Variants in HSPG2 observed in about 807,000 individuals in gnomAD.
The protein encoded by HSPG2 is heparan sulfate proteoglycan 2, also known as basement membrane-specific heparan sulfate proteoglycan core protein.
In HSPG2, 278 loss-of-function variants were observed where a neutral mutation model predicts 526.6. That is an observed-to-expected ratio of 0.53 (90% confidence interval 0.48 to 0.58). The LOEUF (loss-of-function observed/expected upper bound fraction) is 0.58, where lower values mean the gene tolerates loss of function less well. Ranked by LOEUF, HSPG2 falls within the 20% of genes least tolerant of loss-of-function variation. The pLI is 0.00. For missense variants in HSPG2, 5,354 were observed against 6,099.5 expected (o/e 0.88, Z 4.07); for synonymous variants, 2,465 against 2,555.4 (o/e 0.96, Z 1.07).
In HSPG2 at chr1:21,890,468, CA is replaced by C; in HGVS notation, c.371del (p.Leu124Ter). On this transcript the variant is annotated frameshift_variant, in exon 5 of 97. Coordinates refer to ENST00000374695, the MANE Select transcript of HSPG2 (RefSeq NM_005529.7). LOFTEE classifies it high-confidence loss of function. The surrounding 1 kb of genome is among the most constrained non-coding windows in gnomAD (Gnocchi z 4.1). ...TGACAACCTGGTCTCCGGGAATTTTCAAGTACTCCGACTCCAGCTGGGGAGG... is the reference window on the plus strand; with the variant it reads ...TGACAACCTGGTCTCCGGGAATTTTCAGTACTCCGACTCCAGCTGGGGAGG... ...AVVDTLESEY[L>X]KIPGDQVVSV... is the part of the protein sequence containing the mutation. 6.2e-7 allele frequency: 1 copy of C among 1,614,008 alleles called. No individual in the cohort carries two copies. The highest frequency in any genetic ancestry group is 8.5e-7 in the Non-Finnish European group (1 of 1,180,000).
intron 67 of HSPG2, among the ~76,000 whole-genome samples, 182 bp from the exon 68 acceptor site, chr1:21,842,562 A>C (rs908621599): frequency 6.6e-6 from 1 of 152,172 alleles, no homozygotes; most frequent in Non-Finnish European, 1.5e-5. Context: ...ACAGTGGAGG[A>C]AACTGAGGCC....
intron 6 of HSPG2, chr1:21,888,640 T>C (rs758685672): frequency 7.7e-5 from 105 of 1,359,048 alleles, no homozygotes; most frequent in African/African-American, 6.5e-4. Context: ...GGAACCTGGC[T>C]GGGCCTCGGC....
chr1:21,916,577 C>T (rs549511551), intron 1 of HSPG2, among the ~76,000 whole-genome samples: 40 of 150,258 alleles, frequency 2.7e-4, no homozygotes, highest in South Asian at 8.5e-4. Flanking sequence ...CTGTAATCCC[C>T]GTTACTCCAG....
In HSPG2 at chr1:21,829,512, C is replaced by T. The variant is rs145155624; in HGVS notation, c.11863G>A (p.Val3955Met). 1.1e-5 allele frequency: 17 copies of T among 1,613,060 alleles called. No homozygotes were observed. The African/African-American group carries it at 1.3e-4, about 13-fold the overall frequency. The part of the protein sequence containing the change: ...TNTHHELRLD[V>M]EFKPLAPDGV... ...TCAGGGGCGAGTGGCTTGAACTCCACGTCCAGGCGTAGCTCGTGGTGTGTG... is the reference window on the plus strand; with the variant it reads ...TCAGGGGCGAGTGGCTTGAACTCCATGTCCAGGCGTAGCTCGTGGTGTGTG... The change falls in exon 87 of 97, where the codon GTG becomes ATG. Residue 3955 changes from valine (V) to methionine (M), a missense_variant. Val to Met is a conservative substitution (Grantham distance 21). Coordinates refer to ENST00000374695, the MANE Select transcript of HSPG2 (RefSeq NM_005529.7).
At chr1:21,842,408 C>T in intron 67 of HSPG2, 28 bp from the exon 68 acceptor site, 1 of 1,575,952 alleles carries the variant, frequency 6.3e-7, no homozygotes, top group Non-Finnish European at 8.6e-7. Context: ...GGACAGTTAT[C>T]AGGGCAAAGT....
Position 21,862,082 on chromosome 1 carries a change from C to T in HSPG2, c.4774G>A (p.Glu1592Lys), listed in dbSNP as rs1639832491. 7 of 1,613,870 alleles carry T rather than the reference C, an allele frequency of 4.3e-6. No homozygotes were observed. The highest frequency in any genetic ancestry group is 1.7e-4 in the Middle Eastern group (1 of 6,060). ...CCGTAGTAGCCAGGGGCACAAAGCT[C>T]GCAGAACTCCCCTGCGGCGTTGTGC... Reference protein sequence around the residue: ...CQHNAAGEFCELCAPGYYGDA... With the variant: ...CQHNAAGEFCKLCAPGYYGDA... The change falls in exon 38 of 97, where the codon GAG becomes AAG. Residue 1592 changes from glutamate to lysine, a missense_variant. Physicochemically the swap from Glu to Lys is moderately conservative, Grantham distance 56. Transcript: ENST00000374695.
chr1:21,829,923 T>C, intron 86 of HSPG2, 70 bp downstream of exon 86: 1 of 1,314,590 alleles, frequency 7.6e-7, no homozygotes, highest in South Asian at 1.3e-5. Context: ...CATCATGGCC[T>C]CAGAGTGCCC....
chr1:21,881,538 C>G (rs759627517), intron 13 of HSPG2, 36 bp from the exon 14 acceptor site: 1 of 1,569,486 alleles, frequency 6.4e-7, no homozygotes, highest in East Asian at 2.3e-5. Flanking sequence ...GGGCTGCAGC[C>G]TGGGCCTGCC....
At chr1:21,863,060 C>CAAAAACAAAACAAAA (rs1423127350) in intron 37 of HSPG2, among the ~76,000 whole-genome samples, 3 of 31,234 alleles carry the variant, frequency 9.6e-5, no homozygotes, top group African/African-American at 4.5e-4. Flanking sequence ...GACTCCATCT[C>CAAAAACAAAACAAAA]AAAAAAAAAA....
intron 1 of HSPG2, among the ~76,000 whole-genome samples, chr1:21,906,274 G>A (rs542259675): frequency 3.3e-5 from 5 of 152,344 alleles, no homozygotes; most frequent in South Asian, 4.1e-4. Context: ...TGGGGGCCTC[G>A]GAGGCGAGCA....
chr1:21,837,965 T>C (rs1327087428), intron 74 of HSPG2, among the ~76,000 whole-genome samples: 1 of 151,582 alleles, frequency 6.6e-6, no homozygotes. Context: ...GCGAATCCCC[T>C]TCTCTACTAA....
chr1:21,860,553 G>A (rs1044268296), intron 39 of HSPG2, among the ~76,000 whole-genome samples: 1 of 152,090 alleles, frequency 6.6e-6, no homozygotes, highest in African/African-American at 2.4e-5. Context: ...GTGCAGTGGT[G>A]CGATCTCGGC....
Position 21,884,693 on chromosome 1 carries a change from G to C in HSPG2, c.1508-19C>G. On this transcript the variant is annotated intron_variant, in intron 12 of 96. Coordinates refer to ENST00000374695, the MANE Select transcript of HSPG2 (RefSeq NM_005529.7). ...CAGGGGCCTGCTGGGCGGCATGGGC[G>C]GGGGCTGCAGCCGGCTGTGGTGGGC... 6.2e-7 allele frequency: 1 copy of C among 1,610,480 alleles called. No homozygotes were observed. The highest frequency in any genetic ancestry group is 8.5e-7 in the Non-Finnish European group (1 of 1,178,746).
intron 1 of HSPG2, among the ~76,000 whole-genome samples, chr1:21,903,749 G>A (rs999336082): frequency 1.3e-5 from 2 of 152,216 alleles, no homozygotes; most frequent in Admixed American, 6.5e-5. Context: ...CTCTGAATCT[G>A]CCTGGCCCTT....
intron 57 of HSPG2, 90 bp downstream of exon 57, chr1:21,849,951 T>A: frequency 6.5e-7 from 1 of 1,527,210 alleles, no homozygotes; most frequent in South Asian, 1.1e-5. Flanking sequence ...GTGCCGGGAT[T>A]ACAGGCGTGA....
rs188414202 is a variant in HSPG2 at position 21,908,103 on chromosome 1, G to A, written c.64-11793C>T. The A allele has an allele frequency of 5.3e-4, 422 of 802,844 alleles. No individual in the cohort carries two copies. In the African/African-American group the frequency reaches 6.2e-3, roughly 12 times the overall value. The allele number at this position is 802,844 out of a possible 1,614,324, so 49.7% of individuals were successfully genotyped here. On this transcript the variant is annotated intron_variant, in intron 1 of 96. Coordinates refer to ENST00000374695, the MANE Select transcript of HSPG2 (RefSeq NM_005529.7). ...TCTTCCAGTAATTCGCCAAAATGAC[G>A]AACACAAAGGGAAAGAGGAGAGGCA...
chr1:21,905,171 CCACACACACACACA>C (rs759299090), intron 1 of HSPG2, among the ~76,000 whole-genome samples: 1 of 81,818 alleles, frequency 1.2e-5, no homozygotes, highest in Non-Finnish European at 3.0e-5. Flanking sequence ...CACCACCCAC[CCACACACACACACA>C]CACACACACA....
chr1:21,846,333 C>T (rs1455946894), intron 63 of HSPG2, 78 bp from the exon 64 acceptor site: 1 of 1,609,756 alleles, frequency 6.2e-7, no homozygotes, highest in Non-Finnish European at 8.5e-7. Flanking sequence ...AGGGTCTAAC[C>T]TCTGACACAG....
chr1:21,829,415 C>T lies in HSPG2; in HGVS notation c.11960G>A (p.Gly3987Asp), dbSNP rs751410237. Residue 3987 changes from glycine to aspartate, a missense_variant, in exon 87 of 97, where the codon GGC becomes GAC. Physicochemically the swap from Gly to Asp is moderately conservative, Grantham distance 94. Transcript: ENST00000374695. Reference sequence around the variant, plus strand: ...CAACTCATAGCGGAACTCCAGGTGGCCGCCCACCATCGCCAGGGACACGAA... The same window carrying T: ...CAACTCATAGCGGAACTCCAGGTGGTCGCCCACCATCGCCAGGGACACGAA... ...EDFVSLAMVG[G>D]HLEFRYELGS... The T allele has an allele frequency of 1.2e-6, 2 of 1,613,424 alleles. No individual in the cohort carries two copies. Among genetic ancestry groups the T allele is most frequent in the East Asian group, 4.5e-5 (2 of 44,882 alleles).
Sources: allele counts gnomAD v4.1 joint callset (sites outside exome capture counted in the v4.1 genomes callset), GRCh38; gene constraint gnomAD v4.1.1; non-coding constraint Gnocchi (gnomAD v3.1); transcripts MANE v1.5; gene names NCBI Gene and HGNC (gene_info 2026-07-23, HGNC 2026-07-21).